SLC6A16: variants seen among roughly 807,000 people sequenced by gnomAD.
SLC6A16 encodes the protein orphan sodium- and chloride-dependent neurotransmitter transporter NTT5.
A neutral mutation model predicts 65.4 loss-of-function variants in SLC6A16; 54 were observed. The ratio of observed to expected loss-of-function variants is 0.83; its 90% CI spans 0.66 to 1.04. SLC6A16 has a LOEUF of 1.04. SLC6A16 is among the 50% of genes least tolerant of loss of function. SLC6A16 has a pLI of 0.00. For missense variants in SLC6A16, 816 were observed against 914.0 expected (o/e 0.89, Z 1.38); for synonymous variants, 330 against 346.5 (o/e 0.95, Z 0.53).
At chr19:49,337,018 C>A in the SLC6A16 span, 1 of 1,613,276 alleles carries the variant, frequency 6.2e-7, no homozygotes, top group Non-Finnish European at 8.5e-7. Context: ...AGGAGCTCCG[C>A]TGCCTCCTGG....
At chr19:49,334,499 TGAAGAGAGAAAGGAGGAAGGACCCAAA>T in the SLC6A16 span, among the ~76,000 whole-genome samples, 74 of 149,156 alleles carry the variant, frequency 5.0e-4, 1 homozygote, top group Admixed American at 4.2e-3. Context: ...AAAAGAGAGA[TGAAGAGAGAAAGGAGGAAGGACCCAAA>T]GAAGGGGCCA....
chr19:49,294,442 A>G lies in SLC6A16; in HGVS notation c.1341T>C (p.Ser447=), dbSNP rs778955107. ...NPTSIYNAWL[S]GLPQHIKSMV... ...TGCTTTTGATGTGCTGGGGAAGGCC[A>G]CTGAGCCAGGCATTGTAGATGGAGG... Residue 447 remains serine, a synonymous_variant, in exon 8 of 12, where the codon AGT becomes AGC. Transcript: ENST00000335875. The G allele has an allele frequency of 6.2e-7, 1 of 1,614,142 alleles. No individual in the cohort carries two copies. Among genetic ancestry groups the G allele is most frequent in the South Asian group, 1.1e-5 (1 of 91,070 alleles).
At chr19:49,334,585 C>A in the SLC6A16 span, among the ~76,000 whole-genome samples, 1 of 152,122 alleles carries the variant, frequency 6.6e-6, no homozygotes, top group African/African-American at 2.4e-5. Flanking sequence ...AATCCCAACA[C>A]TTTGGGAGGC....
At chr19:49,315,145 C>T (rs1302296796) in intron 1 of SLC6A16, among the ~76,000 whole-genome samples, 1 of 152,172 alleles carries the variant, frequency 6.6e-6, no homozygotes, top group African/African-American at 2.4e-5. Flanking sequence ...ACTTCTGCTA[C>T]ATAAACAAGA....
the SLC6A16 span, chr19:49,339,351 A>G: frequency 6.2e-7 from 1 of 1,613,986 alleles, no homozygotes. The surrounding 1 kb of genome is among the most constrained non-coding windows in gnomAD (Gnocchi z 4.5). Context: ...GGGCCTCCAG[A>G]AGTGGCTGCA....
At position 49,310,174 on chromosome 19, in the gene SLC6A16, C is replaced by T; in HGVS notation, c.574-8G>A. The T allele has an allele frequency of 6.2e-7, 1 of 1,613,780 alleles. No individual in the cohort carries two copies. Among genetic ancestry groups the T allele is most frequent in the Non-Finnish European group, 8.5e-7 (1 of 1,179,944 alleles). ...GCCGAGGATGAAGCACACCTGGGGG[C>T]CAAGGAGGATATGGCTGGGGAGGAA... On this transcript the variant is annotated splice_polypyrimidine_tract_variant and splice_region_variant and intron_variant, in intron 3 of 11. Coordinates refer to ENST00000335875, the MANE Select transcript of SLC6A16 (RefSeq NM_014037.3).
chr19:49,317,203 TGGTGGGA>T, intron 1 of SLC6A16, among the ~76,000 whole-genome samples: 1 of 152,066 alleles, frequency 6.6e-6, no homozygotes, highest in East Asian at 1.9e-4. Flanking sequence ...TAGCCAGGCA[TGGTGGGA>T]CACACCTGTA....
chr19:49,335,822 C>T, the SLC6A16 span: 1 of 1,530,054 alleles, frequency 6.5e-7, no homozygotes, highest in Middle Eastern at 1.7e-4. The surrounding 1 kb of genome is among the most constrained non-coding windows in gnomAD (Gnocchi z 4.6). Context: ...GGGCCTCCCC[C>T]AACCCAAGCA....
At chr19:49,337,311 G>C in the SLC6A16 span, 2 of 1,207,324 alleles carry the variant, frequency 1.7e-6, no homozygotes, top group Middle Eastern at 1.9e-4. Context: ...CCGAAACAAG[G>C]GCAGACAGGG....
chr19:49,329,425 T>G (rs1306498307), upstream of SLC6A16, among the ~76,000 whole-genome samples: 1 of 151,950 alleles, frequency 6.6e-6, no homozygotes, highest in Non-Finnish European at 1.5e-5. Context: ...TTTGGGGTAA[T>G]TTGTTACAGA....
At chr19:49,336,683 A>T in the SLC6A16 span, 1 of 506,780 alleles carries the variant, frequency 2.0e-6, no homozygotes, top group East Asian at 3.4e-5. Context: ...TGAAGGAGGA[A>T]GGAGAGGGTA....
In SLC6A16 at chr19:49,310,118, T is replaced by C. The variant is rs1970485298; in HGVS notation, c.622A>G (p.Ile208Val). 6.2e-7 allele frequency: 1 copy of C among 1,614,082 alleles called. No individual in the cohort carries two copies. The highest frequency in any genetic ancestry group is 8.5e-7 in the Non-Finnish European group (1 of 1,180,014). Residue 208 changes from isoleucine (I) to valine (V), a missense_variant, in exon 4 of 12, where the codon ATC (isoleucine) becomes GTC (valine). Transcript: ENST00000335875. Reference sequence around the variant, plus strand: ...TGGAAGGACTGGCTCATGTAGAAGATGATCCAGGAATTGACCACATTGAAG... The same window carrying C: ...TGGAAGGACTGGCTCATGTAGAAGACGATCCAGGAATTGACCACATTGAAG... ...LYFNVVNSWI[I>V]FYMSQSFQFP...
At chr19:49,334,872 C>T in the SLC6A16 span, among the ~76,000 whole-genome samples, 2 of 151,874 alleles carry the variant, frequency 1.3e-5, no homozygotes, top group African/African-American at 4.8e-5. Context: ...AAAAGTGAGA[C>T]CCTGTCTCAA....
At chr19:49,322,528 G>A (rs1416845845) in intron 1 of SLC6A16, among the ~76,000 whole-genome samples, 1 of 151,628 alleles carries the variant, frequency 6.6e-6, no homozygotes, top group South Asian at 2.1e-4. Context: ...CAGCTACTCA[G>A]GAGGCTGAGG....
Position 49,301,831 on chromosome 19 carries a change from A to G in SLC6A16, c.1229+7045T>C, listed in dbSNP as rs943605708. On this transcript the variant is annotated intron_variant, in intron 7 of 11. Transcript: ENST00000335875. The stretch of plus-strand genomic sequence containing the variant: ...GTGCCTAAGCCAATACCCCTCCTCT[A>G]TGGAGTCACCCCAGCTGCTGCCTCT... 1.7e-4 allele frequency among the ~76,000 whole-genome samples: 26 copies of G among 152,128 alleles called. 1 individual carries two copies. Among genetic ancestry groups the G allele is most frequent in the Non-Finnish European group, 1.0e-4 (7 of 67,970 alleles).
intron 8 of SLC6A16, 100 bp from the exon 9 acceptor site, chr19:49,294,128 A>C: frequency 9.2e-7 from 1 of 1,084,170 alleles, no homozygotes; most frequent in Non-Finnish European, 1.3e-6. Context: ...AAACTCCTGA[A>C]AATCCCTGGA....
intron 1 of SLC6A16, among the ~76,000 whole-genome samples, chr19:49,324,101 G>A (rs1435300428): frequency 2.6e-5 from 4 of 152,078 alleles, no homozygotes; most frequent in African/African-American, 7.2e-5. Flanking sequence ...AAGCTGAGGC[G>A]GGTGGATCGG....
At chr19:49,328,180 G>A (rs1970816750), upstream of SLC6A16, among the ~76,000 whole-genome samples, 1 of 152,122 alleles carries the variant, frequency 6.6e-6, no homozygotes, top group African/African-American at 2.4e-5. Flanking sequence ...AAGAAAAGAG[G>A]TTTAATTGAC....
rs779413055 is a variant in SLC6A16, at chr19:49,310,080, T to C, written c.660A>G (p.Pro220=). 1.2e-6 allele frequency: 2 copies of C among 1,614,050 alleles called. No homozygotes were observed. The highest frequency in any genetic ancestry group is 1.1e-5 in the South Asian group (1 of 91,084). The change falls in exon 4 of 12, where the codon CCA becomes CCG. Residue 220 remains proline (P), a synonymous_variant. Transcript: ENST00000335875. ...YMSQSFQFPV[P]WEKCPLTMNS... is the part of the protein sequence containing the mutation. ...TCATCGTTAAGGGACATTTCTCCCA[T>C]GGAACGGGAAACTGGAAGGACTGGC...
Sources: gnomAD v4.1 joint callset for allele counts (sites outside exome capture counted in the v4.1 genomes callset) on GRCh38, gnomAD v4.1.1 for gene constraint, Gnocchi (gnomAD v3.1) non-coding constraint, MANE v1.5 for transcripts, NCBI Gene and HGNC (gene_info 2026-07-23, HGNC 2026-07-21) for gene names.